STAB2: variants seen among roughly 807,000 people sequenced by gnomAD.
STAB2 encodes stabilin-2.
STAB2 carries 288 observed loss-of-function variants against 338.1 expected under a neutral mutation model. The observed-to-expected ratio is 0.85, with a 90% CI of 0.77 to 0.94. The LOEUF (loss-of-function observed/expected upper bound fraction) is 0.94, where lower values mean the gene tolerates loss of function less well. STAB2 is among the 40% of genes least tolerant of loss of function. The pLI, the probability that STAB2 is intolerant of heterozygous loss-of-function variation, is 0.00. For missense variants in STAB2, 3,141 were observed against 3,210.1 expected (o/e 0.98, Z 0.52); for synonymous variants, 1,202 against 1,193.3 (o/e 1.01, Z -0.15).
chr12:103,674,235 G>A, intron 23 of STAB2, 148 bp downstream of exon 23: 1 of 983,750 alleles, frequency 1.0e-6, no homozygotes, highest in Non-Finnish European at 1.4e-6. Context: ...ACAGTGTGGT[G>A]TTTGTGAAAA....
intron 53 of STAB2, among the ~76,000 whole-genome samples, chr12:103,738,190 T>A (rs1023053408): frequency 6.6e-5 from 10 of 152,202 alleles, no homozygotes; most frequent in Non-Finnish European, 1.3e-4. Flanking sequence ...CTGGAGCCTA[T>A]GAAAAGGGCA....
At chr12:103,591,619 C>T (rs901016568) in intron 2 of STAB2, among the ~76,000 whole-genome samples, 19 of 152,052 alleles carry the variant, frequency 1.2e-4, no homozygotes, top group African/African-American at 4.4e-4. Context: ...GGAAAGAATT[C>T]TAGTCTTGAA....
intron 55 of STAB2, among the ~76,000 whole-genome samples, 183 bp downstream of exon 55, chr12:103,740,939 C>T (rs1355195949): frequency 1.3e-5 from 2 of 151,962 alleles, no homozygotes; most frequent in Non-Finnish European, 1.5e-5. Flanking sequence ...TTTTTTTTAT[C>T]GAGTTGAGAT....
intron 4 of STAB2, among the ~76,000 whole-genome samples, chr12:103,620,885 T>G (rs1335111336): frequency 6.6e-6 from 1 of 151,990 alleles, no homozygotes; most frequent in Non-Finnish European, 1.5e-5. Context: ...GATCACGAGG[T>G]CAGGAGATCG....
chr12:103,702,841 A>G (rs1424784986), intron 34 of STAB2, among the ~76,000 whole-genome samples: 1 of 152,222 alleles, frequency 6.6e-6, no homozygotes, highest in Non-Finnish European at 1.5e-5. Flanking sequence ...ACATAAGCCA[A>G]TTAATTTGCT....
At chr12:103,687,264 C>T (rs537362528) in intron 27 of STAB2, among the ~76,000 whole-genome samples, 46 of 152,070 alleles carry the variant, frequency 3.0e-4, no homozygotes, top group African/African-American at 1.1e-3. Context: ...CCCAAGATCA[C>T]ACAGCTGGTA....
Position 103,761,388 on chromosome 12 carries a change from T to C in STAB2, c.7337T>C (p.Leu2446Ser), listed in dbSNP as rs1384811167. The C allele has an allele frequency of 6.2e-7, 1 of 1,613,672 alleles. No individual in the cohort carries two copies. Among genetic ancestry groups the C allele is most frequent in the Non-Finnish European group, 8.5e-7 (1 of 1,179,976 alleles). ...NGIIHVISRP[L>S]KAPPAPVTLT... ...ATCATTCATGTCATTTCCAGGCCTT[T>C]AAAAGCACCCCCTGCCCCCGTGGTG... The change falls in exon 66 of 69, where the codon TTA becomes TCA. Residue 2446 changes from leucine (L) to serine (S), a missense_variant. Leu to Ser is a moderately radical substitution (Grantham distance 145). Coordinates refer to ENST00000388887, the MANE Select transcript of STAB2 (RefSeq NM_017564.10).
intron 44 of STAB2, among the ~76,000 whole-genome samples, chr12:103,720,481 C>T (rs1055589474): frequency 6.6e-6 from 1 of 152,126 alleles, no homozygotes; most frequent in African/African-American, 2.4e-5. Context: ...CCAGTGTTGA[C>T]GGTACTCCTG....
intron 51 of STAB2, 40 bp from the exon 52 acceptor site, chr12:103,735,451 C>T (rs1461497863): frequency 2.6e-6 from 4 of 1,511,824 alleles, no homozygotes; most frequent in Middle Eastern, 1.8e-4. Context: ...CTTCTTCGGC[C>T]CAAATTTGGG....
At chr12:103,687,474 T>C (rs1877531909) in intron 27 of STAB2, among the ~76,000 whole-genome samples, 1 of 152,172 alleles carries the variant, frequency 6.6e-6, no homozygotes, top group Non-Finnish European at 1.5e-5. Flanking sequence ...TCTTACATCC[T>C]CTTTCATATC....
chr12:103,749,981 G>C (rs1883480301), intron 59 of STAB2, among the ~76,000 whole-genome samples: 1 of 151,958 alleles, frequency 6.6e-6, no homozygotes, highest in Non-Finnish European at 1.5e-5. Context: ...CTTACCTCCT[G>C]GACTGACAAG....
chr12:103,759,012 C>T (rs1443388010), intron 64 of STAB2, 121 bp from the exon 65 acceptor site: 5 of 1,536,166 alleles, frequency 3.3e-6, no homozygotes, highest in South Asian at 1.1e-5. Context: ...TTCCTGATCT[C>T]CACATGGAGG....
In STAB2 at chr12:103,670,718, A is replaced by G. The variant is rs746752763; in HGVS notation, c.2282A>G (p.Asn761Ser). 19 of 1,614,118 alleles carry G rather than the reference A, an allele frequency of 1.2e-5. No individual in the cohort carries two copies. The highest frequency in any genetic ancestry group is 1.5e-5 in the Non-Finnish European group (18 of 1,179,998). ...NGQCADSLGGNGTCICEEGFQ... is the reference protein window; with the variant it reads ...NGQCADSLGGSGTCICEEGFQ... ...CAGTGTGCAGATAGCCTCGGCGGCA[A>G]CGGGACATGCATTTGTGAGGAGGGC... Residue 761 changes from asparagine (N) to serine (S), a missense_variant, in exon 22 of 69, where the codon AAC becomes AGC. By Grantham distance (46) the Asn-to-Ser change is conservative. Transcript: ENST00000388887.
intron 11 of STAB2, among the ~76,000 whole-genome samples, chr12:103,650,883 A>G (rs1199398077): frequency 6.6e-6 from 1 of 152,186 alleles, no homozygotes; most frequent in Non-Finnish European, 1.5e-5. Context: ...ACAGGTAACC[A>G]CTGAGTGTTC....
At chr12:103,652,763 A>C in intron 12 of STAB2, 58 bp downstream of exon 12, 1 of 1,455,864 alleles carries the variant, frequency 6.9e-7, no homozygotes, top group Non-Finnish European at 9.1e-7. Flanking sequence ...GCCAATGCCC[A>C]TATCCTTCTC....
chr12:103,761,478 C>T, intron 66 of STAB2, 68 bp downstream of exon 66: 1 of 1,384,468 alleles, frequency 7.2e-7, no homozygotes, highest in Non-Finnish European at 1.0e-6. Flanking sequence ...ACAGGCAAAC[C>T]ATTACCAGAA....
intron 29 of STAB2, 137 bp downstream of exon 29, chr12:103,690,119 C>G: frequency 2.1e-5 from 27 of 1,265,970 alleles, no homozygotes; most frequent in Non-Finnish European, 2.8e-5. Context: ...TCCTTTCCTC[C>G]CACCCCAGGA....
At chr12:103,613,064 C>A (rs766900557) in intron 3 of STAB2, among the ~76,000 whole-genome samples, 5 of 152,138 alleles carry the variant, frequency 3.3e-5, no homozygotes, top group African/African-American at 1.2e-4. Context: ...TCTCAGAGGG[C>A]TACCCGGCCG....
chr12:103,638,708 A>T (rs1416514900), intron 8 of STAB2, among the ~76,000 whole-genome samples: 1 of 152,248 alleles, frequency 6.6e-6, no homozygotes, highest in East Asian at 1.9e-4. Flanking sequence ...TCTAAATGAC[A>T]TCAGGACCTT....
Sources: allele counts gnomAD v4.1 joint callset (sites outside exome capture counted in the v4.1 genomes callset), GRCh38; gene constraint gnomAD v4.1.1; transcripts MANE v1.5; gene names NCBI Gene and HGNC (gene_info 2026-07-23, HGNC 2026-07-21).